LDB2: variants seen among roughly 807,000 people sequenced by gnomAD.
The protein encoded by LDB2 is LIM domain binding 2.
A neutral mutation model predicts 44.3 loss-of-function variants in LDB2; 12 were observed. The ratio of observed to expected loss-of-function variants is 0.27; its 90% CI spans 0.17 to 0.44. The LOEUF is 0.44. Ranked by LOEUF, LDB2 falls within the 20% of genes least tolerant of loss-of-function variation. The pLI is 1.00. For missense variants in LDB2, 344 were observed against 473.5 expected, an observed-to-expected ratio of 0.73 and a Z score of 2.54; for synonymous variants, 164 against 174.8, an observed-to-expected ratio of 0.94 and a Z score of 0.49.
chr4:16,588,517 T>G (rs1717795262), intron 4 of LDB2, among the ~76,000 whole-genome samples, 193 bp downstream of exon 4: 1 of 152,032 alleles, frequency 6.6e-6, no homozygotes, highest in Admixed American at 6.5e-5. Context: ...GTACCAATCT[T>G]GGAAACAAAA....
At chr4:16,860,906 C>T (rs1712323589) in intron 1 of LDB2, among the ~76,000 whole-genome samples, 1 of 137,044 alleles carries the variant, frequency 7.3e-6, no homozygotes, top group Non-Finnish European at 1.6e-5. Flanking sequence ...AGGGGCATTC[C>T]TACAGCTATA....
intron 2 of LDB2, among the ~76,000 whole-genome samples, chr4:16,636,208 G>A (rs1286512868): frequency 6.6e-6 from 1 of 152,170 alleles, no homozygotes; most frequent in Non-Finnish European, 1.5e-5. Context: ...AGGGAGCTGC[G>A]GTGGCCTGCT....
chr4:16,668,310 T>C (rs1743850001), intron 2 of LDB2, among the ~76,000 whole-genome samples: 1 of 152,166 alleles, frequency 6.6e-6, no homozygotes, highest in Admixed American at 6.5e-5. Flanking sequence ...AATTGCCTGT[T>C]CCCCTCCTGG....
intron 2 of LDB2, among the ~76,000 whole-genome samples, chr4:16,678,954 C>T (rs1747068598): frequency 6.6e-6 from 1 of 152,180 alleles, no homozygotes; most frequent in Non-Finnish European, 1.5e-5. Flanking sequence ...TGATATTTAT[C>T]ATGCTTTCTC....
chr4:16,571,173 G>C (rs527738499), intron 5 of LDB2, among the ~76,000 whole-genome samples: 13 of 152,314 alleles, frequency 8.5e-5, no homozygotes, highest in African/African-American at 3.1e-4. Flanking sequence ...AGTGCAGTGG[G>C]CTGTCACCAG....
At chr4:16,739,706 G>GTA (rs1197239128) in intron 2 of LDB2, among the ~76,000 whole-genome samples, 2 of 46,052 alleles carry the variant, frequency 4.3e-5, no homozygotes, top group Admixed American at 2.4e-4. Context: ...ACATATATGT[G>GTA]TATATATGTA....
intron 2 of LDB2, among the ~76,000 whole-genome samples, chr4:16,724,857 C>T (rs186873525): frequency 6.6e-6 from 1 of 152,176 alleles, no homozygotes; most frequent in Non-Finnish European, 1.5e-5. Flanking sequence ...GGAGGTACTC[C>T]CCAGTGCACA....
intron 3 of LDB2, among the ~76,000 whole-genome samples, chr4:16,593,717 T>A (rs1006161703): frequency 3.3e-5 from 5 of 152,086 alleles, no homozygotes; most frequent in Admixed American, 1.3e-4. Context: ...GGGAGCTCGG[T>A]TCAGGGGAGT....
At position 16,586,025 on chromosome 4, in the gene LDB2, C is replaced by T; in HGVS notation, c.532-20G>A. ...TTGTGCCTAAATGGAAAAAAAACCC[C>T]ACATGTATTTTATCACTACAGGACG... is the stretch of plus-strand genomic sequence containing the variant. On this transcript the variant is annotated intron_variant, in intron 4 of 7. Coordinates refer to ENST00000304523, the MANE Select transcript of LDB2 (RefSeq NM_001290.5). The T allele has an allele frequency of 1.3e-6, 2 of 1,596,530 alleles. No homozygotes were observed. Among genetic ancestry groups the T allele is most frequent in the Non-Finnish European group, 1.7e-6 (2 of 1,164,244 alleles).
intron 2 of LDB2, among the ~76,000 whole-genome samples, chr4:16,691,386 T>C (rs1427294725): frequency 6.6e-6 from 1 of 152,220 alleles, no homozygotes. Context: ...GAAAATTCAC[T>C]GCAACGATAA....
At chr4:16,894,596 A>G (rs1724375218) in intron 1 of LDB2, among the ~76,000 whole-genome samples, 1 of 152,150 alleles carries the variant, frequency 6.6e-6, no homozygotes, top group Non-Finnish European at 1.5e-5. Context: ...GATCTAAATG[A>G]CCTCACATAA....
intron 5 of LDB2, among the ~76,000 whole-genome samples, chr4:16,519,107 G>A (rs945094132): frequency 2.9e-4 from 44 of 152,120 alleles, no homozygotes; most frequent in Non-Finnish European, 4.1e-4. Context: ...TCTTATCTAC[G>A]GCAAGCTATA....
At chr4:16,720,462 G>T (rs140571870) in intron 2 of LDB2, among the ~76,000 whole-genome samples, 159 of 152,182 alleles carry the variant, frequency 1.0e-3, no homozygotes, top group African/African-American at 3.8e-3. Context: ...CCAATTCCTT[G>T]CAATAATTCT....
intron 1 of LDB2, among the ~76,000 whole-genome samples, chr4:16,764,785 C>A (rs1433649540): frequency 6.6e-6 from 1 of 152,216 alleles, no homozygotes; most frequent in East Asian, 1.9e-4. Context: ...GCCCATTCTC[C>A]TTTTGGACCT....
At chr4:16,709,522 A>G (rs1755396529) in intron 2 of LDB2, among the ~76,000 whole-genome samples, 1 of 152,184 alleles carries the variant, frequency 6.6e-6, no homozygotes, top group South Asian at 2.1e-4. Context: ...CATTGAACAC[A>G]CTCAATGAAT....
chr4:16,875,676 T>C (rs1718152934), intron 1 of LDB2, among the ~76,000 whole-genome samples: 1 of 152,188 alleles, frequency 6.6e-6, no homozygotes, highest in Non-Finnish European at 1.5e-5. Context: ...CAGCAATGAC[T>C]CAGAGCCCTC....
At chr4:16,634,584 C>T (rs1235678520) in intron 2 of LDB2, among the ~76,000 whole-genome samples, 1 of 152,136 alleles carries the variant, frequency 6.6e-6, no homozygotes, top group Non-Finnish European at 1.5e-5. Context: ...CAAATCAAAA[C>T]CACCATGAGA....
At chr4:16,783,951 T>C (rs1227379700) in intron 1 of LDB2, among the ~76,000 whole-genome samples, 1 of 152,216 alleles carries the variant, frequency 6.6e-6, no homozygotes, top group African/African-American at 2.4e-5. Context: ...GTAATTCCCT[T>C]TATTACTGAA....
chr4:16,612,660 T>G (rs1382621465), intron 2 of LDB2, among the ~76,000 whole-genome samples: 1 of 152,212 alleles, frequency 6.6e-6, no homozygotes, highest in Non-Finnish European at 1.5e-5. Context: ...CAGGAAGAAG[T>G]TGAATCCCTG....
Sources: gnomAD v4.1 joint callset for allele counts (sites outside exome capture counted in the v4.1 genomes callset) on GRCh38, gnomAD v4.1.1 for gene constraint, MANE v1.5 for transcripts, NCBI Gene and HGNC (gene_info 2026-07-23, HGNC 2026-07-21) for gene names.